CCL28: variants seen among roughly 807,000 people sequenced by gnomAD.
The protein encoded by CCL28 is C-C motif chemokine 28.
CCL28 carries 4 observed loss-of-function variants against 7.1 expected under a neutral mutation model. The ratio of observed to expected loss-of-function variants is 0.56; its 90% CI spans 0.28 to 1.29. The LOEUF (loss-of-function observed/expected upper bound fraction) is 1.29, where lower values mean the gene tolerates loss of function less well. CCL28 is among the 50% of genes most tolerant of loss of function. The pLI is 0.11. For synonymous variants in CCL28, 55 were observed against 57.8 expected, an observed-to-expected ratio of 0.95 and a Z score of 0.22; for missense variants, 151 against 163.4, an observed-to-expected ratio of 0.92 and a Z score of 0.41.
downstream of CCL28, among the ~76,000 whole-genome samples, chr5:43,378,835 C>T (rs1172896049): frequency 6.6e-6 from 1 of 152,058 alleles, no homozygotes; most frequent in Admixed American, 6.6e-5. Flanking sequence ...GTGGTTCGCA[C>T]CTGTAGTCCC....
intron 2 of CCL28, among the ~76,000 whole-genome samples, chr5:43,382,549 T>C (rs1350923428): frequency 6.6e-6 from 1 of 152,206 alleles, no homozygotes; most frequent in Non-Finnish European, 1.5e-5. Context: ...GTGAGAGTTA[T>C]CTCTTTTCTG....
At chr5:43,366,158 ACTT>A in the CCL28 span, among the ~76,000 whole-genome samples, 25 of 152,116 alleles carry the variant, frequency 1.6e-4, no homozygotes, top group African/African-American at 5.8e-4. Context: ...TCTGAAGTCT[ACTT>A]CTGTCAATTC....
downstream of CCL28, among the ~76,000 whole-genome samples, chr5:43,371,690 G>A (rs1739789618): frequency 6.6e-6 from 1 of 152,176 alleles, no homozygotes; most frequent in Non-Finnish European, 1.5e-5. Context: ...GAGAGAGCCT[G>A]AGCCAAAACC....
downstream of CCL28, among the ~76,000 whole-genome samples, chr5:43,371,760 G>C (rs911048300): frequency 6.6e-6 from 1 of 152,206 alleles, no homozygotes; most frequent in Admixed American, 6.5e-5. Context: ...ATAAATATGT[G>C]TTGTTTTAAG....
chr5:43,397,736 G>T (rs1009941139), intron 1 of CCL28, among the ~76,000 whole-genome samples: 1 of 152,124 alleles, frequency 6.6e-6, no homozygotes, highest in Admixed American at 6.5e-5. Context: ...GCTTTTCTGT[G>T]AAGTGAACTT....
chr5:43,361,890 G>A, the CCL28 span, among the ~76,000 whole-genome samples: 1 of 151,106 alleles, frequency 6.6e-6, no homozygotes, highest in African/African-American at 2.4e-5. Flanking sequence ...TGCTGTTTCA[G>A]TTATTGTAGC....
At chr5:43,371,607 AG>A in the CCL28 span, among the ~76,000 whole-genome samples, 1 of 152,174 alleles carries the variant, frequency 6.6e-6, no homozygotes, top group Non-Finnish European at 1.5e-5. Flanking sequence ...GCCATCTGAG[AG>A]GGGAATCCTT....
intron 1 of CCL28, among the ~76,000 whole-genome samples, chr5:43,405,749 G>T (rs1318906016): frequency 1.3e-5 from 2 of 152,118 alleles, no homozygotes; most frequent in Non-Finnish European, 2.9e-5. Flanking sequence ...TAGACCACTA[G>T]CAAGACTAAT....
At chr5:43,382,444 A>G (rs369003122) in intron 2 of CCL28, among the ~76,000 whole-genome samples, 2 of 152,292 alleles carry the variant, frequency 1.3e-5, no homozygotes, top group Admixed American at 6.5e-5. Context: ...CATCTCAAAC[A>G]CATCCTTAAG....
intron 2 of CCL28, among the ~76,000 whole-genome samples, chr5:43,386,229 C>A (rs759894170): frequency 6.6e-6 from 1 of 152,214 alleles, no homozygotes; most frequent in Non-Finnish European, 1.5e-5. Context: ...TGTCTATCCA[C>A]GCATTGTCTA....
intron 1 of CCL28, among the ~76,000 whole-genome samples, chr5:43,393,644 C>A (rs142239540): frequency 3.9e-5 from 6 of 152,280 alleles, no homozygotes; most frequent in African/African-American, 1.4e-4. Context: ...CGTGAGCCAC[C>A]GCGCCCGGCC....
intron 1 of CCL28, among the ~76,000 whole-genome samples, chr5:43,393,346 G>T (rs1024204420): frequency 1.2e-4 from 18 of 145,858 alleles, no homozygotes; most frequent in African/African-American, 3.7e-4. Flanking sequence ...CCTTTCTTCC[G>T]TTTTTTTTTT....
At chr5:43,391,924 C>A (rs1007686608) in intron 1 of CCL28, among the ~76,000 whole-genome samples, 1 of 151,912 alleles carries the variant, frequency 6.6e-6, no homozygotes, top group Non-Finnish European at 1.5e-5. Context: ...TACATTCTGG[C>A]ACTTTTTAGG....
intron 1 of CCL28, among the ~76,000 whole-genome samples, chr5:43,400,060 G>T (rs1422585801): frequency 6.6e-6 from 1 of 151,870 alleles, no homozygotes; most frequent in Admixed American, 6.6e-5. Context: ...TACCCAGGCT[G>T]GTCTCAAACT....
intron 1 of CCL28, among the ~76,000 whole-genome samples, chr5:43,398,971 C>T (rs1740926105): frequency 6.6e-6 from 1 of 152,212 alleles, no homozygotes; most frequent in Non-Finnish European, 1.5e-5. Context: ...TTCCACATCT[C>T]ATGTTTAAAA....
intron 1 of CCL28, among the ~76,000 whole-genome samples, chr5:43,411,672 T>C (rs1162792939): frequency 6.6e-6 from 1 of 152,180 alleles, no homozygotes; most frequent in East Asian, 1.9e-4. Context: ...CCTGAAGCTA[T>C]CCTCCAGCCG....
At position 43,381,953 on chromosome 5, in the gene CCL28, A is replaced by G. The variant is rs748759096; in HGVS notation, c.291T>C (p.Asn97=). The change falls in exon 3 of 3, where the codon AAT becomes AAC. Residue 97 remains asparagine, a synonymous_variant. Transcript: ENST00000361115. ...CATGGTGTTTCTTCCTGTGGCAAAC[A>G]TTTCCTTTACCATTTTTCTTGGCAG... The part of the protein sequence containing the change: ...VQAAKKNGKG[N]VCHRKKHHGK... 1.6e-5 allele frequency: 26 copies of G among 1,613,906 alleles called. No homozygotes were observed. The highest frequency in any genetic ancestry group is 1.2e-4 in the Admixed American group (7 of 59,980).
chr5:43,377,769 G>T (rs1242116367), downstream of CCL28, among the ~76,000 whole-genome samples: 4 of 104,192 alleles, frequency 3.8e-5, 1 homozygote, highest in Non-Finnish European at 5.2e-5. Context: ...GTCTCGCTCT[G>T]TCGCCCAGGC....
At chr5:43,391,307 T>C (rs1197249126) in intron 1 of CCL28, among the ~76,000 whole-genome samples, 12 of 152,176 alleles carry the variant, frequency 7.9e-5, no homozygotes. Flanking sequence ...CATGCAAATT[T>C]GGTTGGAATA....
Sources: allele counts gnomAD v4.1 joint callset (sites outside exome capture counted in the v4.1 genomes callset), GRCh38; gene constraint gnomAD v4.1.1; transcripts MANE v1.5; gene names NCBI Gene and HGNC (gene_info 2026-07-23, HGNC 2026-07-21).